Variants in CCDC88A observed in about 807,000 individuals in gnomAD.
The protein encoded by CCDC88A is coiled-coil and HOOK domain protein 88A, also known as girdin.
A neutral mutation model predicts 234.3 loss-of-function variants in CCDC88A; 54 were observed. That is an observed-to-expected ratio of 0.23 (90% confidence interval 0.19 to 0.29). The LOEUF is 0.29. Among genes scored for constraint, CCDC88A ranks in the 10% least tolerant of loss-of-function variants. The probability of loss-of-function intolerance (pLI) is 1.00; values close to 1 mark genes in which losing one functional copy is unlikely to be tolerated. For synonymous variants in CCDC88A, 753 were observed against 737.8 expected (o/e 1.02, Z -0.33); for missense variants, 1,832 against 2,123.4 (o/e 0.86, Z 2.70).
intron 3 of CCDC88A, among the ~76,000 whole-genome samples, chr2:55,380,061 TAAAAAAAAAAAA>T (rs57314271): frequency 1.3e-5 from 1 of 75,368 alleles, no homozygotes; most frequent in African/African-American, 5.6e-5. Context: ...CTGTCTCTAC[TAAAAAAAAAAAA>T]AAAAAAAAAA....
intron 8 of CCDC88A, among the ~76,000 whole-genome samples, chr2:55,352,012 C>T (rs1015037162): frequency 6.6e-6 from 1 of 152,086 alleles, no homozygotes; most frequent in Non-Finnish European, 1.5e-5. Context: ...AATAAAATGT[C>T]CAGAATAGGC....
At position 55,355,767 on chromosome 2, in the gene CCDC88A, G is replaced by A. The variant is rs1266903687; in HGVS notation, c.628-16C>T. The A allele has an allele frequency of 6.3e-7, 1 of 1,597,592 alleles. No individual in the cohort carries two copies. ...CTATGATAGTCTAGAAATACACACA[G>A]AATCACTTTCAGTATTCTACATATT... On this transcript the variant is annotated splice_polypyrimidine_tract_variant and intron_variant, in intron 7 of 32. Transcript: ENST00000436346.
chr2:55,369,525 C>G (rs1053943370), intron 5 of CCDC88A, among the ~76,000 whole-genome samples: 5 of 150,366 alleles, frequency 3.3e-5, no homozygotes, highest in Admixed American at 2.0e-4. Context: ...CATCTCAGCT[C>G]ACTGCAACCT....
chr2:55,334,933 G>A lies in CCDC88A; in HGVS notation c.1888C>T (p.Leu630Phe). The change falls in exon 15 of 33, where the codon CTT becomes TTT. Residue 630 changes from leucine to phenylalanine, a missense_variant. Around this residue, in one of 6 missense-constraint regions of CCDC88A, gnomAD observed 1,282 missense variants for 1,543.6 expected, o/e 0.83. Coordinates refer to ENST00000436346, the MANE Select transcript of CCDC88A (RefSeq NM_001365480.1). This position sits in a 1 kb window ranked among gnomAD's most constrained non-coding sequence, Gnocchi z 6.1. ...YKEKGERAEE[L>F]ENELHHLEKE... is the part of the protein sequence containing the mutation. ...TCAAGATGATGCAATTCATTTTCAAGTTCTTCAGCTCGTTCTCCTTTTTCT... is the reference window on the plus strand; with the variant it reads ...TCAAGATGATGCAATTCATTTTCAAATTCTTCAGCTCGTTCTCCTTTTTCT... 6.5e-7 allele frequency: 1 copy of A among 1,535,626 alleles called. No individual in the cohort carries two copies. Among genetic ancestry groups the A allele is most frequent in the Non-Finnish European group, 8.8e-7 (1 of 1,132,478 alleles).
chr2:55,364,084 T>A, intron 5 of CCDC88A, 51 bp from the exon 6 acceptor site: 1 of 835,734 alleles, frequency 1.2e-6, no homozygotes, highest in Non-Finnish European at 1.9e-6. Context: ...GTATGGTCCT[T>A]AAAATGTTAT....
intron 2 of CCDC88A, among the ~76,000 whole-genome samples, chr2:55,391,760 C>G (rs115350980): frequency 2.0e-5 from 3 of 152,118 alleles, no homozygotes; most frequent in Non-Finnish European, 4.4e-5. Context: ...AATGAATGAA[C>G]AGAGACTAAA....
rs1238896638 is a variant in CCDC88A at position 55,308,674 on chromosome 2, CAATT to C, written c.4387+131_4387+134del. 16 of 658,180 alleles carry C rather than the reference CAATT, an allele frequency of 2.4e-5. No individual in the cohort carries two copies. The Admixed American group carries it at 3.7e-4, about 15-fold the overall frequency. The allele number at this position is 658,180 out of a possible 1,614,324, so 40.8% of individuals were successfully genotyped here. ...TGTGGCTGTACACTAATGCAGTACACAATTAATTTTATGATGTTAAATTAAAAAG... is the reference window on the plus strand; with the variant it reads ...TGTGGCTGTACACTAATGCAGTACACAATTTTATGATGTTAAATTAAAAAG... On this transcript the variant is annotated intron_variant, in intron 25 of 32. Coordinates refer to ENST00000436346, the MANE Select transcript of CCDC88A (RefSeq NM_001365480.1).
At chr2:55,385,852 C>CTCAAA (rs1558791979) in intron 3 of CCDC88A, among the ~76,000 whole-genome samples, 1 of 62,462 alleles carries the variant, frequency 1.6e-5, no homozygotes, top group Non-Finnish European at 3.0e-5. Flanking sequence ...AACTCCATGT[C>CTCAAA]AAAAAAAAAA....
intron 2 of CCDC88A, among the ~76,000 whole-genome samples, chr2:55,401,506 A>G (rs1441635774): frequency 0.041 from 6 of 148 alleles, 1 homozygote; most frequent in African/African-American, 0.16. Context: ...ATACATATAT[A>G]TATATATATA....
At chr2:55,294,040 T>TA (rs916082471) in intron 31 of CCDC88A, 5 of 157,892 alleles carry the variant, frequency 3.2e-5, no homozygotes, top group African/African-American at 7.2e-5. Context: ...ATTATTCATT[T>TA]AAAAAAAATT....
intron 5 of CCDC88A, among the ~76,000 whole-genome samples, chr2:55,366,795 T>C (rs1206903022): frequency 6.6e-6 from 1 of 151,894 alleles, no homozygotes; most frequent in Non-Finnish European, 1.5e-5. Context: ...TATACTAAAA[T>C]AGAGGAAATG....
At chr2:55,297,655 C>T (rs1680359273) in intron 29 of CCDC88A, among the ~76,000 whole-genome samples, 1 of 151,392 alleles carries the variant, frequency 6.6e-6, no homozygotes, top group South Asian at 2.1e-4. Flanking sequence ...AGGTGATCTG[C>T]CCACCTCGGC....
At chr2:55,319,056 A>T (rs766245436) in intron 18 of CCDC88A, 52 bp from the exon 19 acceptor site, 1 of 1,473,950 alleles carries the variant, frequency 6.8e-7, no homozygotes, top group African/African-American at 1.4e-5. Flanking sequence ...GGCAACATCA[A>T]ATATGTTTCT....
At chr2:55,331,452 C>A (rs1409591457) in intron 16 of CCDC88A, among the ~76,000 whole-genome samples, 1 of 152,038 alleles carries the variant, frequency 6.6e-6, no homozygotes. Context: ...ATGAACAAAT[C>A]CTATGTAATC....
At position 55,288,795 on chromosome 2, in the gene CCDC88A, C is replaced by G. The variant is rs533192542; in HGVS notation, c.*2405G>C. On this transcript the variant is annotated 3_prime_UTR_variant, in exon 33 of 33. Transcript: ENST00000436346. ...GCCAGATAATTTAAAGCATGTCAGGCCCCGGTTAGGAAAATGAAAATGGCT... is the reference window on the plus strand; with the variant it reads ...GCCAGATAATTTAAAGCATGTCAGGGCCCGGTTAGGAAAATGAAAATGGCT... 3 of 152,234 alleles carry G rather than the reference C, an allele frequency of 2.0e-5. No homozygotes were observed. The South Asian group carries it at 6.2e-4, about 32-fold the overall frequency. 9.4% of individuals were successfully genotyped at this position (152,234 alleles called of 1,614,324 possible). A position where few individuals can be genotyped will look rare whatever the true frequency, so the allele number is the denominator to read the frequency against.
chr2:55,388,924 AT>A, intron 2 of CCDC88A, 38 bp from the exon 3 acceptor site: 1 of 693,906 alleles, frequency 1.4e-6, no homozygotes, highest in East Asian at 3.0e-5. Flanking sequence ...ATTACATAAA[AT>A]ACTACTATCA....
chr2:55,335,225 T>G lies in CCDC88A; in HGVS notation c.1657-61A>C, dbSNP rs896813356. The G allele has an allele frequency of 6.3e-6, 7 of 1,105,144 alleles. No homozygotes were observed. The highest frequency in any genetic ancestry group is 8.7e-6 in the Non-Finnish European group (7 of 800,402). The allele number at this position is 1,105,144 out of a possible 1,614,324, so 68.5% of individuals were successfully genotyped here. Reference sequence around the variant, plus strand: ...GAGGAAAAACTAACTATGGTTTATCTCTTCCAAAAACTACCAAGAAAAGGG... The same window carrying G: ...GAGGAAAAACTAACTATGGTTTATCGCTTCCAAAAACTACCAAGAAAAGGG... On this transcript the variant is annotated intron_variant, in intron 14 of 32. Coordinates refer to ENST00000436346, the MANE Select transcript of CCDC88A (RefSeq NM_001365480.1). The surrounding 1 kb of genome is among the most constrained non-coding windows in gnomAD (Gnocchi z 4.5).
intron 2 of CCDC88A, among the ~76,000 whole-genome samples, chr2:55,391,569 T>A (rs928780666): frequency 6.6e-6 from 1 of 152,214 alleles, no homozygotes; most frequent in African/African-American, 2.4e-5. Context: ...AAATGTAAAT[T>A]ATGTTTTGAA....
At chr2:55,368,262 T>C (rs1283098548) in intron 5 of CCDC88A, among the ~76,000 whole-genome samples, 1 of 152,222 alleles carries the variant, frequency 6.6e-6, no homozygotes, top group Admixed American at 6.5e-5. Flanking sequence ...TATTTAAAGT[T>C]ATTTATGTGG....
Sources: allele counts gnomAD v4.1 joint callset (sites outside exome capture counted in the v4.1 genomes callset), GRCh38; gene constraint gnomAD v4.1.1; regional missense constraint gnomAD v4.1.1; non-coding constraint Gnocchi (gnomAD v3.1); transcripts MANE v1.5; gene names NCBI Gene and HGNC (gene_info 2026-07-23, HGNC 2026-07-21).